The following PPP1R9B variants were observed in gnomAD, a reference collection of about 807,000 sequenced individuals.
PPP1R9B encodes neurabin-2.
Under a neutral mutation model 75.8 loss-of-function variants are expected in PPP1R9B, and 17 were observed. That is an observed-to-expected ratio of 0.22 (90% CI 0.15 to 0.34). The LOEUF (loss-of-function observed/expected upper bound fraction) is 0.34. Ranked by LOEUF, PPP1R9B falls within the 10% of genes least tolerant of loss-of-function variation. The pLI is 1.00. For synonymous variants in PPP1R9B, 509 were observed against 535.4 expected (o/e 0.95, Z 0.68); for missense variants, 875 against 1,196.0 (o/e 0.73, Z 3.96).
chr17:50,135,325 T>C lies in PPP1R9B; in HGVS notation c.*6A>G. ...TAATTATTGTCCAGTCATGGAATGA[T>C]TCCTGTTAAGTAGAATTGGAATTCC... On this transcript the variant is annotated 3_prime_UTR_variant, in exon 10 of 10. Transcript: ENST00000612501. The C allele has an allele frequency of 6.2e-7, 1 of 1,611,250 alleles. No homozygotes were observed. The highest frequency in any genetic ancestry group is 8.5e-7 in the Non-Finnish European group (1 of 1,177,630).
intron 2 of PPP1R9B, among the ~76,000 whole-genome samples, chr17:50,144,179 C>T (rs1161808213): frequency 6.6e-6 from 1 of 152,130 alleles, no homozygotes; most frequent in East Asian, 1.9e-4. Flanking sequence ...CCCTGCCTGA[C>T]TCATGGCCCT....
At position 50,149,449 on chromosome 17, in the gene PPP1R9B, C is replaced by T; in HGVS notation, c.1065G>A (p.Glu355=). Residue 355 remains glutamate (E), a synonymous_variant, in exon 1 of 10, where the codon GAG becomes GAA. Coordinates refer to ENST00000612501, the MANE Select transcript of PPP1R9B (RefSeq NM_032595.5). This position sits in a 1 kb window ranked among gnomAD's most constrained non-coding sequence, Gnocchi z 7.2. ...TCTCTGGCGGCGCTACCGCCGCCGC[C>T]TCCTTCTCCGGGGCCGCTTGGGCCT... The part of the protein sequence containing the change: ...EPKAQAAPEK[E]AAAVAPPERG... 17 of 1,607,056 alleles carry T rather than the reference C, an allele frequency of 1.1e-5. No homozygotes were observed. Among genetic ancestry groups the T allele is most frequent in the Non-Finnish European group, 1.4e-5 (16 of 1,177,636 alleles).
At position 50,136,116 on chromosome 17, in the gene PPP1R9B, G is replaced by T; in HGVS notation, c.2155C>A (p.Arg719Ser). ...CAGTAGCCTTCCAGTTTCTCCATGC[G>T]CTCCTTGTTCTCCTCCACACTCTGC... ...LEQSVEENKE[R>S]MEKLEGYWGE... The change falls in exon 8 of 10, where the codon CGC (arginine) becomes AGC (serine). Residue 719 changes from arginine (R) to serine (S), a missense_variant. Arg to Ser is a moderately radical substitution (Grantham distance 110). Around this residue, in one of 4 missense-constraint regions of PPP1R9B, gnomAD observed 218 missense variants for 334.6 expected, o/e 0.65. Coordinates refer to ENST00000612501, the MANE Select transcript of PPP1R9B (RefSeq NM_032595.5). 1 of 1,609,380 alleles carries T rather than the reference G, an allele frequency of 6.2e-7. No individual in the cohort carries two copies.
At chr17:50,135,937 GGCCCAGCCC>G in intron 8 of PPP1R9B, 22 bp downstream of exon 8, 4 of 1,438,736 alleles carry the variant, frequency 2.8e-6, no homozygotes, top group Non-Finnish European at 3.8e-6. Flanking sequence ...ATGCTCCCTG[GGCCCAGCCC>G]GCCCAGCCCC....
At chr17:50,135,938 G>A (rs1003033097) in intron 8 of PPP1R9B, 30 bp downstream of exon 8, 15 of 1,419,126 alleles carry the variant, frequency 1.1e-5, no homozygotes, top group African/African-American at 4.3e-5. Flanking sequence ...TGCTCCCTGG[G>A]CCCAGCCCGC....
chr17:50,149,260 CTCGTCGTCT>C lies in PPP1R9B; in HGVS notation c.1245_1253del (p.Asp416_Glu418del), dbSNP rs762095420. 40 of 1,612,890 alleles carry C rather than the reference CTCGTCGTCT, an allele frequency of 2.5e-5. No individual in the cohort carries two copies. The highest frequency in any genetic ancestry group is 3.1e-5 in the Non-Finnish European group (36 of 1,179,672). ...GCTCGTAGGGGGGCTCCCCATCCTC[CTCGTCGTCT>C]TCGTCGTCCTCCTCCAGGGCACTGC... On this transcript the variant is annotated inframe_deletion, in exon 1 of 10. Coordinates refer to ENST00000612501, the MANE Select transcript of PPP1R9B (RefSeq NM_032595.5). The surrounding 1 kb of genome is among the most constrained non-coding windows in gnomAD (Gnocchi z 7.2).
intron 3 of PPP1R9B, among the ~76,000 whole-genome samples, chr17:50,141,662 CA>C (rs398058762): frequency 1.2e-3 from 105 of 85,708 alleles, no homozygotes; most frequent in East Asian, 1.4e-3. Context: ...GACCCTGCCT[CA>C]AAAAAAAAAA....
rs1035696866 is a variant in PPP1R9B at position 50,135,396 on chromosome 17, A to G, written c.2401-12T>C. 2 of 1,613,442 alleles carry G rather than the reference A, an allele frequency of 1.2e-6. No homozygotes were observed. The highest frequency in any genetic ancestry group is 2.2e-5 in the South Asian group (2 of 91,080). Reference sequence around the variant, plus strand: ...TCCAGTTCTGAGATCTGGAAAACAAAGGAGGGTAGGGGGTCAGGTCTGGAC... The same window carrying G: ...TCCAGTTCTGAGATCTGGAAAACAAGGGAGGGTAGGGGGTCAGGTCTGGAC... On this transcript the variant is annotated splice_polypyrimidine_tract_variant and intron_variant, in intron 9 of 9. Coordinates refer to ENST00000612501, the MANE Select transcript of PPP1R9B (RefSeq NM_032595.5).
In PPP1R9B at chr17:50,144,687, C is replaced by T. The variant is rs111919091; in HGVS notation, c.1504+426G>A. On this transcript the variant is annotated intron_variant, in intron 2 of 9. Coordinates refer to ENST00000612501, the MANE Select transcript of PPP1R9B (RefSeq NM_032595.5). ...CAGTCTGGTTAGGTCACCTGTTAAACGCTTTTACAGTGGCCCCTCCTTACC... is the reference window on the plus strand; with the variant it reads ...CAGTCTGGTTAGGTCACCTGTTAAATGCTTTTACAGTGGCCCCTCCTTACC... Among the ~76,000 whole-genome samples, 598 of 152,278 alleles carry T rather than the reference C, an allele frequency of 3.9e-3. 6 individuals carry two copies. Among genetic ancestry groups the T allele is most frequent in the African/African-American group, 0.014 (573 of 41,542 alleles).
chr17:50,149,039 G>T lies in PPP1R9B; in HGVS notation c.1371+104C>A. 1 of 816,042 alleles carries T rather than the reference G, an allele frequency of 1.2e-6. No homozygotes were observed. The highest frequency in any genetic ancestry group is 1.8e-6 in the Non-Finnish European group (1 of 560,526). The allele number at this position is 816,042 out of a possible 1,614,324, so 50.6% of individuals were successfully genotyped here. A position where few individuals can be genotyped will look rare whatever the true frequency, so the allele number is the denominator to read the frequency against. On this transcript the variant is annotated intron_variant, in intron 1 of 9. Coordinates refer to ENST00000612501, the MANE Select transcript of PPP1R9B (RefSeq NM_032595.5). The surrounding 1 kb of genome is among the most constrained non-coding windows in gnomAD (Gnocchi z 7.2). Reference sequence around the variant, plus strand: ...TTCTGGGAAGGGGGCTGGGTGGCAGGGGCTGACTCAGCCTGCCAAACCCGG... The same window carrying T: ...TTCTGGGAAGGGGGCTGGGTGGCAGTGGCTGACTCAGCCTGCCAAACCCGG...
At chr17:50,138,415 G>A (rs978659266) in intron 7 of PPP1R9B, among the ~76,000 whole-genome samples, 1 of 152,112 alleles carries the variant, frequency 6.6e-6, no homozygotes, top group African/African-American at 2.4e-5. Flanking sequence ...GACTGTGTCT[G>A]TGTAGAGTGG....
At position 50,133,991 on chromosome 17, in the gene PPP1R9B, G is replaced by A. The variant is rs1250865877; in HGVS notation, c.*1340C>T. The A allele has an allele frequency of 6.5e-6, 1 of 152,674 alleles. No homozygotes were observed. The highest frequency in any genetic ancestry group is 2.4e-5 in the African/African-American group (1 of 41,452). 9.5% of individuals were successfully genotyped at this position (152,674 alleles called of 1,614,324 possible). On this transcript the variant is annotated 3_prime_UTR_variant, in exon 10 of 10. Coordinates refer to ENST00000612501, the MANE Select transcript of PPP1R9B (RefSeq NM_032595.5). ...GGGGATGGGGGCACATCTGGGGATA[G>A]GAAGGGGTGGGGACAAGAAATACTG...
intron 9 of PPP1R9B, 49 bp from the exon 10 acceptor site, chr17:50,135,433 T>A (rs928323401): frequency 1.3e-6 from 2 of 1,595,204 alleles, no homozygotes; most frequent in African/African-American, 1.3e-5. Context: ...CCAGGCATGA[T>A]CCCAGCCCCT....
At chr17:50,141,774 A>T (rs1489900843) in intron 3 of PPP1R9B, among the ~76,000 whole-genome samples, 1 of 152,152 alleles carries the variant, frequency 6.6e-6, no homozygotes. Context: ...TAACATTCAC[A>T]AGGCCAGAGG....
intron 4 of PPP1R9B, 138 bp from the exon 5 acceptor site, chr17:50,140,366 T>C (rs1912343380): frequency 2.7e-6 from 3 of 1,113,216 alleles, no homozygotes; most frequent in Non-Finnish European, 3.7e-6. Flanking sequence ...AAGGCTGCAG[T>C]GTTAATAATG....
Position 50,140,124 on chromosome 17 carries a change from C to G in PPP1R9B, c.1835G>C (p.Arg612Thr), listed in dbSNP as rs747180920. Residue 612 changes from arginine to threonine, a missense_variant, in exon 5 of 10, where the codon AGA (arginine) becomes ACA (threonine). This residue lies in a region of PPP1R9B where 218 missense variants were observed against 334.6 expected (regional missense o/e 0.65). Transcript: ENST00000612501. ...GTCATCCTCCCCATACTGGGCGTAT[C>G]TCTGCTCCATCATCTCCCGCTGCCA... ...ERWQREMMEQ[R>T]YAQYGEDDEE... 6.2e-7 allele frequency: 1 copy of G among 1,613,552 alleles called. No individual in the cohort carries two copies. The highest frequency in any genetic ancestry group is 1.1e-5 in the South Asian group (1 of 90,892).
Position 50,149,246 on chromosome 17 carries a change from G to A in PPP1R9B, c.1268C>T (p.Pro423Leu), listed in dbSNP as rs748052830. The A allele has an allele frequency of 2.5e-6, 4 of 1,611,402 alleles. No homozygotes were observed. The highest frequency in any genetic ancestry group is 2.2e-5 in the East Asian group (1 of 44,686). The change falls in exon 1 of 10, where the codon CCC (proline) becomes CTC (leucine). Residue 423 changes from proline (P) to leucine (L), a missense_variant. By Grantham distance (98) the Pro-to-Leu change is moderately conservative. Around this residue, in one of 4 missense-constraint regions of PPP1R9B, gnomAD observed 449 missense variants for 475.0 expected, o/e 0.95. Transcript: ENST00000612501. This position sits in a 1 kb window ranked among gnomAD's most constrained non-coding sequence, Gnocchi z 7.2. The part of the protein sequence containing the change: ...DDEDDEEDGE[P>L]PYEPESGCVE... The stretch of plus-strand genomic sequence containing the variant: ...GCACCCCGACTCGGGCTCGTAGGGG[G>A]GCTCCCCATCCTCCTCGTCGTCTTC...
Position 50,142,443 on chromosome 17 carries a change from AGGGGAAG to A in PPP1R9B, c.1626-1077_1626-1071del, listed in dbSNP as rs562767828. ...AAAGGCTCTGGAAGTTCACATTGGG[AGGGGAAG>A]GGGTAAATGAAAGGGTATCCTGTTC... On this transcript the variant is annotated intron_variant, in intron 3 of 9. Transcript: ENST00000612501. The surrounding 1 kb of genome is among the most constrained non-coding windows in gnomAD (Gnocchi z 4.1). Among the ~76,000 whole-genome samples the A allele has an allele frequency of 6.3e-4, 96 of 152,276 alleles. No individual in the cohort carries two copies. Among genetic ancestry groups the A allele is most frequent in the African/African-American group, 1.8e-3 (74 of 41,552 alleles).
In PPP1R9B at chr17:50,139,190, G is replaced by GT; in HGVS notation, c.2073+72dup. ...TGCCTAAGTGTCAGCATGTGCAGGT[G>GT]TGAGGGTAGGGGGACCCTGCTCCTC... On this transcript the variant is annotated intron_variant, in intron 7 of 9. Coordinates refer to ENST00000612501, the MANE Select transcript of PPP1R9B (RefSeq NM_032595.5). The surrounding 1 kb of genome is among the most constrained non-coding windows in gnomAD (Gnocchi z 5.0). 1.9e-6 allele frequency: 3 copies of GT among 1,546,090 alleles called. No individual in the cohort carries two copies. Among genetic ancestry groups the GT allele is most frequent in the Non-Finnish European group, 1.8e-6 (2 of 1,118,154 alleles).
Sources: allele counts gnomAD v4.1 joint callset (sites outside exome capture counted in the v4.1 genomes callset), GRCh38; gene constraint gnomAD v4.1.1; regional missense constraint gnomAD v4.1.1; non-coding constraint Gnocchi (gnomAD v3.1); transcripts MANE v1.5; gene names NCBI Gene and HGNC (gene_info 2026-07-23, HGNC 2026-07-21).